Variants in FKBP5 observed in about 807,000 individuals in gnomAD.
FKBP5 encodes the protein FKBP prolyl isomerase 5.
Under a neutral mutation model 50.5 loss-of-function variants are expected in FKBP5, and 23 were observed. The observed-to-expected ratio is 0.46, with a 90% CI of 0.33 to 0.65. The LOEUF (loss-of-function observed/expected upper bound fraction) is 0.65, where lower values mean the gene tolerates loss of function less well. FKBP5 is among the 30% of genes least tolerant of loss of function. The pLI is 0.02. For missense variants in FKBP5, 411 were observed against 553.1 expected, an observed-to-expected ratio of 0.74 and a Z score of 2.58; for synonymous variants, 176 against 190.6, an observed-to-expected ratio of 0.92 and a Z score of 0.63.
At chr6:35,671,379 A>C (rs1396239256) in intron 1 of FKBP5, among the ~76,000 whole-genome samples, 1 of 152,056 alleles carries the variant, frequency 6.6e-6, no homozygotes, top group Non-Finnish European at 1.5e-5. Flanking sequence ...CAGAAAATCT[A>C]GAATATAGTC....
intron 3 of FKBP5, among the ~76,000 whole-genome samples, chr6:35,623,132 C>T (rs1001240076): frequency 9.9e-5 from 15 of 152,052 alleles, no homozygotes; most frequent in African/African-American, 3.4e-4. Flanking sequence ...GTCCCAGCTA[C>T]TCCGGAGGCT....
In FKBP5 at chr6:35,710,157, C is replaced by T. The variant is rs149902079; in HGVS notation, c.-20+10171G>A. Among the ~76,000 whole-genome samples, 27 of 152,224 alleles carry T rather than the reference C, an allele frequency of 1.8e-4. No homozygotes were observed. The East Asian group carries it at 4.2e-3, about 24-fold the overall frequency. On this transcript the variant is annotated intron_variant, in intron 2 of 11. Transcript: ENST00000536438. ...GCAGGGCAGCATCTGTGTGCTTCAG[C>T]GAGAGATCCTCTGCACCTAACCAGA...
intron 1 of FKBP5, among the ~76,000 whole-genome samples, chr6:35,657,035 C>A (rs1162942593): frequency 6.8e-6 from 1 of 147,836 alleles, no homozygotes; most frequent in Non-Finnish European, 1.5e-5. Context: ...CACGGTGAAA[C>A]CCTGTCTCTA....
At chr6:35,662,306 G>A (rs1436736055) in intron 1 of FKBP5, among the ~76,000 whole-genome samples, 1 of 142,700 alleles carries the variant, frequency 7.0e-6, no homozygotes, top group East Asian at 2.0e-4. Flanking sequence ...ACAGAGTTTT[G>A]CTCTGTTGCT....
At chr6:35,701,304 C>T (rs1232029537) in intron 2 of FKBP5, among the ~76,000 whole-genome samples, 14 of 144,052 alleles carry the variant, frequency 9.7e-5, no homozygotes, top group Admixed American at 2.8e-4. Flanking sequence ...AGTGCAGTGG[C>T]GGGATCTCGG....
chr6:35,604,376 G>T (rs1763242362), intron 5 of FKBP5, among the ~76,000 whole-genome samples: 1 of 152,136 alleles, frequency 6.6e-6, no homozygotes, highest in African/African-American at 2.4e-5. Flanking sequence ...TTGGAAGAAA[G>T]AAATTATATA....
At position 35,721,074 on chromosome 6, in the gene FKBP5, G is replaced by A. The variant is rs138164443; in HGVS notation, c.-240-526C>T. ...AGAAGACAATAAGAATTTTAGGGCC[G>A]GGCACGGTGGCTCACACCTGTAATC... On this transcript the variant is annotated intron_variant, in intron 1 of 11. Transcript: ENST00000536438. Among the ~76,000 whole-genome samples the A allele has an allele frequency of 2.4e-4, 37 of 152,228 alleles. No individual in the cohort carries two copies. In the East Asian group the frequency reaches 3.9e-3, roughly 16 times the overall value.
At chr6:35,591,939 AT>A (rs1435476952) in intron 6 of FKBP5, among the ~76,000 whole-genome samples, 4 of 152,238 alleles carry the variant, frequency 2.6e-5, no homozygotes, top group African/African-American at 9.6e-5. Flanking sequence ...ACTGAAAAAA[AT>A]AACTGAGGAC....
At chr6:35,604,755 G>A (rs1234082232) in intron 5 of FKBP5, among the ~76,000 whole-genome samples, 4 of 151,864 alleles carry the variant, frequency 2.6e-5, no homozygotes, top group Non-Finnish European at 4.4e-5. Flanking sequence ...TCACTGATAT[G>A]AGTGGTTTTA....
chr6:35,579,849 G>T (rs1406498004), intron 9 of FKBP5, among the ~76,000 whole-genome samples, 187 bp downstream of exon 9: 1 of 152,122 alleles, frequency 6.6e-6, no homozygotes, highest in Non-Finnish European at 1.5e-5. Flanking sequence ...ATAAAAGTCT[G>T]ACTGTAATAA....
intron 3 of FKBP5, among the ~76,000 whole-genome samples, chr6:35,634,499 G>T (rs941324526): frequency 6.6e-6 from 1 of 152,224 alleles, no homozygotes; most frequent in Non-Finnish European, 1.5e-5. Flanking sequence ...AGCTTGGAAA[G>T]AGCACAGCTG....
At chr6:35,717,537 T>C (rs545151072) in intron 2 of FKBP5, among the ~76,000 whole-genome samples, 11 of 152,366 alleles carry the variant, frequency 7.2e-5, no homozygotes, top group African/African-American at 2.4e-4. Context: ...CCTGTGTGTA[T>C]GTGCAATGAA....
At chr6:35,698,477 T>A (rs928373884) in intron 2 of FKBP5, among the ~76,000 whole-genome samples, 2 of 150,682 alleles carry the variant, frequency 1.3e-5, no homozygotes, top group Admixed American at 6.7e-5. Context: ...TGAAATCCTG[T>A]CTCTACTAAA....
rs116458716 is a variant in FKBP5 at position 35,587,664 on chromosome 6, G to A, written c.757-547C>T. ...CAACTTGCAGATGTATACTGGGGGG[G>A]ACTTCAAGCAAAACATAATTGGGAG... is the stretch of plus-strand genomic sequence containing the variant. On this transcript the variant is annotated intron_variant, in intron 7 of 10. Transcript: ENST00000357266. 3.9e-3 allele frequency among the ~76,000 whole-genome samples: 595 copies of A among 152,258 alleles called. 4 individuals carry two copies. Among genetic ancestry groups the A allele is most frequent in the African/African-American group, 0.013 (547 of 41,542 alleles).
At chr6:35,654,549 C>T (rs375621300) in intron 1 of FKBP5, among the ~76,000 whole-genome samples, 1 of 152,186 alleles carries the variant, frequency 6.6e-6, no homozygotes, top group African/African-American at 2.4e-5. Flanking sequence ...CTACTTACTG[C>T]TGTTTTACCC....
At chr6:35,588,244 C>G (rs2150957729) in intron 7 of FKBP5, among the ~76,000 whole-genome samples, 1 of 152,138 alleles carries the variant, frequency 6.6e-6, no homozygotes, top group African/African-American at 2.4e-5. Context: ...TCAGGCTGGT[C>G]TCAAACTCCC....
intron 6 of FKBP5, among the ~76,000 whole-genome samples, chr6:35,593,986 A>G (rs112879373): frequency 8.2e-4 from 125 of 152,330 alleles, no homozygotes; most frequent in African/African-American, 2.9e-3. Context: ...AAAACAATAC[A>G]AAGGGAAGAT....
At chr6:35,578,847 T>C (rs1412911876) in intron 9 of FKBP5, among the ~76,000 whole-genome samples, 1 of 151,936 alleles carries the variant, frequency 6.6e-6, no homozygotes, top group Non-Finnish European at 1.5e-5. Context: ...GCTATATGAC[T>C]GCTTCTGTCA....
At position 35,575,759 on chromosome 6, in the gene FKBP5, G is replaced by C; in HGVS notation, c.*76C>G. 1 of 980,866 alleles carries C rather than the reference G, an allele frequency of 1.0e-6. No individual in the cohort carries two copies. The highest frequency in any genetic ancestry group is 1.7e-6 in the Non-Finnish European group (1 of 603,358). 60.8% of individuals were successfully genotyped at this position (980,866 alleles called of 1,614,324 possible). On this transcript the variant is annotated 3_prime_UTR_variant, in exon 11 of 11. Coordinates refer to ENST00000357266, the MANE Select transcript of FKBP5 (RefSeq NM_004117.4). ...TATAACAAACTTTACATTAAACACT[G>C]TTCTGTCCTGAGTTGGGGGAAAGCC... is the stretch of plus-strand genomic sequence containing the variant.
Sources: allele counts gnomAD v4.1 joint callset (sites outside exome capture counted in the v4.1 genomes callset), GRCh38; gene constraint gnomAD v4.1.1; transcripts MANE v1.5; gene names NCBI Gene and HGNC (gene_info 2026-07-23, HGNC 2026-07-21).